POLR3A: variants seen among roughly 807,000 people sequenced by gnomAD.
POLR3A encodes the protein DNA-directed RNA polymerase III subunit RPC1.
A neutral mutation model predicts 152.8 loss-of-function variants in POLR3A; 112 were observed. The ratio of observed to expected loss-of-function variants is 0.73; its 90% CI spans 0.63 to 0.86. The LOEUF (loss-of-function observed/expected upper bound fraction) is 0.86. Ranked by LOEUF, POLR3A falls within the 40% of genes least tolerant of loss-of-function variation. The pLI is 0.00. For missense variants in POLR3A, 1,385 were observed against 1,743.1 expected, an observed-to-expected ratio of 0.79 and a Z score of 3.66; for synonymous variants, 615 against 652.1, an observed-to-expected ratio of 0.94 and a Z score of 0.87.
At chr10:78,012,478 T>C (rs2131951531) in intron 11 of POLR3A, among the ~76,000 whole-genome samples, 1 of 151,644 alleles carries the variant, frequency 6.6e-6, no homozygotes, top group South Asian at 2.1e-4. Context: ...CCAAAACAGG[T>C]TAAAAGCATC....
chr10:77,983,514 G>C (rs1847168880), intron 26 of POLR3A, among the ~76,000 whole-genome samples: 1 of 152,152 alleles, frequency 6.6e-6, no homozygotes, highest in Admixed American at 6.5e-5. Flanking sequence ...AAGAAGCCAG[G>C]TTAATCTCCC....
chr10:78,003,137 A>G (rs1847373479), intron 16 of POLR3A, among the ~76,000 whole-genome samples: 1 of 152,186 alleles, frequency 6.6e-6, no homozygotes, highest in Non-Finnish European at 1.5e-5. Flanking sequence ...CTCAACTTAC[A>G]AACTAGGATG....
intron 14 of POLR3A, among the ~76,000 whole-genome samples, chr10:78,009,172 A>AG (rs1414906887): frequency 6.6e-6 from 1 of 151,492 alleles, no homozygotes; most frequent in Non-Finnish European, 1.5e-5. Context: ...AAAAAAAAAA[A>AG]AAAAAATTAA....
chr10:78,011,787 T>C (rs1437999049), intron 11 of POLR3A, among the ~76,000 whole-genome samples: 2 of 152,200 alleles, frequency 1.3e-5, no homozygotes, highest in African/African-American at 2.4e-5. Context: ...GAGAACAGCA[T>C]TGCTAAATCA....
intron 23 of POLR3A, among the ~76,000 whole-genome samples, chr10:77,985,668 T>C (rs951822832): frequency 6.6e-6 from 1 of 152,242 alleles, no homozygotes; most frequent in Admixed American, 6.5e-5. Context: ...CCATATTCGT[T>C]AGCAGTTTCC....
At position 77,985,368 on chromosome 10, in the gene POLR3A, G is replaced by A. The variant is rs1001335424; in HGVS notation, c.3072-28C>T. ...AGAAGGCAAAGGTATGGATGAGATT[G>A]CAGCATGCCAAAGAAAAGTCCAGCA... On this transcript the variant is annotated intron_variant, in intron 23 of 30. Transcript: ENST00000372371. The A allele has an allele frequency of 1.9e-6, 3 of 1,600,194 alleles. No individual in the cohort carries two copies. In the Admixed American group the frequency reaches 5.0e-5, roughly 27 times the overall value.
At position 78,024,620 on chromosome 10, in the gene POLR3A, T is replaced by G. The variant is rs1345122906; in HGVS notation, c.574A>C (p.Asn192His). The G allele has an allele frequency of 3.1e-6, 5 of 1,613,888 alleles. No individual in the cohort carries two copies. Among genetic ancestry groups the G allele is most frequent in the Non-Finnish European group, 4.2e-6 (5 of 1,179,872 alleles). ...NKKVVDPIVSNFLQSFETAIE... is the reference protein window; with the variant it reads ...NKKVVDPIVSHFLQSFETAIE... ...GCTGTTTCAAAAGACTGAAGGAAAT[T>G]TGATACAATGGGATCCACCACTTTT... The change falls in exon 5 of 31, where the codon AAT becomes CAT. Residue 192 changes from asparagine (N) to histidine (H), a missense_variant. Transcript: ENST00000372371.
chr10:78,011,038 GGGTCTTAC>G lies in POLR3A; in HGVS notation c.1573-506_1573-499del, dbSNP rs553386227. ...TTTTTGCATTTTTTTTGTGGAGACG[GGGTCTTAC>G]TTTGTTGCCCAGACTGGTCTCGAAC... On this transcript the variant is annotated intron_variant, in intron 11 of 30. Transcript: ENST00000372371. Among the ~76,000 whole-genome samples the G allele has an allele frequency of 4.6e-5, 7 of 152,148 alleles. No homozygotes were observed. In the East Asian group the frequency reaches 1.4e-3, roughly 29 times the overall value.
At chr10:77,994,399 T>C (rs1219072235) in intron 19 of POLR3A, among the ~76,000 whole-genome samples, 3 of 151,568 alleles carry the variant, frequency 2.0e-5, no homozygotes, top group Admixed American at 6.6e-5. Context: ...CATGCTTCCA[T>C]AGTAGGGAGA....
Position 77,977,251 on chromosome 10 carries a change from A to G in POLR3A, c.*227T>C, listed in dbSNP as rs908147427. 1 of 564,404 alleles carries G rather than the reference A, an allele frequency of 1.8e-6. No individual in the cohort carries two copies. The highest frequency in any genetic ancestry group is 3.2e-6 in the Non-Finnish European group (1 of 315,230). The allele number at this position is 564,404 out of a possible 1,614,324, so 35.0% of individuals were successfully genotyped here. A position where few individuals can be genotyped will look rare whatever the true frequency, so the allele number is the denominator to read the frequency against. Reference sequence around the variant, plus strand: ...AGATTAGGTTTCAAGCAAGCAAACAATAAAACCCTCAGCTCTCCCGAGCAG... The same window carrying G: ...AGATTAGGTTTCAAGCAAGCAAACAGTAAAACCCTCAGCTCTCCCGAGCAG... On this transcript the variant is annotated 3_prime_UTR_variant, in exon 31 of 31. Transcript: ENST00000372371.
chr10:77,993,238 C>G lies in POLR3A; in HGVS notation c.2746G>C (p.Asp916His). The G allele has an allele frequency of 6.2e-7, 1 of 1,613,910 alleles. No homozygotes were observed. Residue 916 changes from aspartate (D) to histidine (H), a missense_variant, in exon 20 of 31, where the codon GAT becomes CAT. Physicochemically the swap from Asp to His is moderately conservative, Grantham distance 81 (BLOSUM62 -1). Coordinates refer to ENST00000372371, the MANE Select transcript of POLR3A (RefSeq NM_007055.4). ...ACCCTTTTAAACTCCAAAGGTTCAT[C>G]TTTTCCCTCCATAGCTGCAGGATCT... is the stretch of plus-strand genomic sequence containing the variant. ...GLDPAAMEGKDEPLEFKRVLD... is the reference protein window; with the variant it reads ...GLDPAAMEGKHEPLEFKRVLD...
rs1443386122 is a variant in POLR3A at position 77,976,738 on chromosome 10, G to C, written c.*740C>G. On this transcript the variant is annotated 3_prime_UTR_variant, in exon 31 of 31. Coordinates refer to ENST00000372371, the MANE Select transcript of POLR3A (RefSeq NM_007055.4). ...TGGGTTTGGCTCTTGTCACAGGGTAGAGCCCCATGATAGGGGTCTGAGGTA... is the reference window on the plus strand; with the variant it reads ...TGGGTTTGGCTCTTGTCACAGGGTACAGCCCCATGATAGGGGTCTGAGGTA... 6.6e-6 allele frequency: 1 copy of C among 152,364 alleles called. No homozygotes were observed. Among genetic ancestry groups the C allele is most frequent in the Non-Finnish European group, 1.5e-5 (1 of 68,162 alleles). The allele number at this position is 152,364 out of a possible 1,614,324, so 9.4% of individuals were successfully genotyped here.
chr10:78,002,909 A>G (rs1847371360), intron 16 of POLR3A, among the ~76,000 whole-genome samples: 1 of 152,242 alleles, frequency 6.6e-6, no homozygotes, highest in South Asian at 2.1e-4. Context: ...CTACACAACA[A>G]AATATCTGTA....
chr10:78,019,830 A>G (rs1847560203), intron 8 of POLR3A: 1 of 154,454 alleles, frequency 6.5e-6, no homozygotes, highest in Non-Finnish European at 1.4e-5. Context: ...GCTAATCAAT[A>G]TTCTCGTTAG....
intron 19 of POLR3A, among the ~76,000 whole-genome samples, chr10:77,999,556 C>T (rs932155166): frequency 3.3e-5 from 5 of 152,106 alleles, no homozygotes; most frequent in East Asian, 1.9e-4. Flanking sequence ...ATCCAAGCCC[C>T]GCAGCAAGCA....
Position 78,021,537 on chromosome 10 carries a change from G to A in POLR3A, c.1185+9C>T, listed in dbSNP as rs1345877087. On this transcript the variant is annotated intron_variant, in intron 8 of 30. Transcript: ENST00000372371. The stretch of plus-strand genomic sequence containing the variant: ...AAACAAAGAATTGAGCAGCTGAGTG[G>A]TCACTTACCTTCTCAGGAAAAGTTA... The A allele has an allele frequency of 6.2e-7, 1 of 1,613,444 alleles. No homozygotes were observed. Among genetic ancestry groups the A allele is most frequent in the Non-Finnish European group, 8.5e-7 (1 of 1,179,546 alleles).
At chr10:78,000,919 G>T in intron 18 of POLR3A, 57 bp downstream of exon 18, 1 of 906,508 alleles carries the variant, frequency 1.1e-6, no homozygotes, top group Non-Finnish European at 1.8e-6. Context: ...TGTGTTCCTT[G>T]GAGGAAAGTG....
chr10:78,016,061 A>G lies in POLR3A; in HGVS notation c.1431+1514T>C, dbSNP rs542067664. On this transcript the variant is annotated intron_variant, in intron 10 of 30. Transcript: ENST00000372371. ...AAACACTGTTTGCAAAGGCTCATGG[A>G]TTAACAGCTTTACAGATAGGAGAAT... Among the ~76,000 whole-genome samples, 31 of 152,346 alleles carry G rather than the reference A, an allele frequency of 2.0e-4. 1 individual carries two copies. The highest frequency in any genetic ancestry group is 7.2e-4 in the African/African-American group (30 of 41,584).
intron 24 of POLR3A, 146 bp from the exon 25 acceptor site, chr10:77,984,444 T>G: frequency 2.9e-6 from 2 of 682,058 alleles, no homozygotes; most frequent in Admixed American, 4.0e-5. Flanking sequence ...CCCAGGTTCA[T>G]GCCATTCTCC....
Sources: allele counts gnomAD v4.1 joint callset (sites outside exome capture counted in the v4.1 genomes callset), GRCh38; gene constraint gnomAD v4.1.1; transcripts MANE v1.5; gene names NCBI Gene and HGNC (gene_info 2026-07-23, HGNC 2026-07-21).